Variants in HRH1 observed in about 807,000 individuals in gnomAD.
HRH1 encodes histamine receptor H1, also known as histamine H1 receptor.
In HRH1, 6 loss-of-function variants were observed where a neutral mutation model predicts 10.3. The ratio of observed to expected loss-of-function variants is 0.58; its 90% confidence interval spans 0.32 to 1.15. HRH1 has a LOEUF of 1.15. Among genes scored for constraint, HRH1 ranks in the 50% most tolerant of loss-of-function variants. The pLI is 0.05. For missense variants in HRH1, 514 were observed against 615.3 expected (o/e 0.84, Z 1.74); for synonymous variants, 242 against 236.7 (o/e 1.02, Z -0.21).
At chr3:11,257,559 C>CA (rs1235459388) in intron 1 of HRH1, among the ~76,000 whole-genome samples, 3,173 of 99,416 alleles carry the variant, frequency 0.032, 114 homozygotes, top group African/African-American at 0.1. Flanking sequence ...GACTCCATCT[C>CA]AAAAAAAAAA....
At chr3:11,223,769 C>A (rs1159997061) in intron 1 of HRH1, among the ~76,000 whole-genome samples, 2 of 152,204 alleles carry the variant, frequency 1.3e-5, no homozygotes, top group Non-Finnish European at 2.9e-5. Flanking sequence ...AATCCCTAAT[C>A]TTGAGCAACC....
chr3:11,234,407 C>T lies in HRH1; in HGVS notation c.-35-24596C>T, dbSNP rs546131087. The T allele has an allele frequency of 1.7e-4, 267 of 1,605,202 alleles. 1 individual carries two copies. The highest frequency in any genetic ancestry group is 7.6e-4 in the East Asian group (34 of 44,814). ...TTTCTGCAGGCATTCCTGCATGGCC[C>T]GGAACCGGTCTACACAGTCTGACCC... On this transcript the variant is annotated intron_variant, in intron 1 of 1. Transcript: ENST00000431010.
At chr3:11,205,354 T>C (rs767824552) in intron 1 of HRH1, among the ~76,000 whole-genome samples, 1 of 152,090 alleles carries the variant, frequency 6.6e-6, no homozygotes, top group Non-Finnish European at 1.5e-5. Context: ...GGCCTCTTGA[T>C]AGGGGCAGGA....
chr3:11,155,476 GC>G (rs1936766653), intron 1 of HRH1, among the ~76,000 whole-genome samples: 1 of 152,046 alleles, frequency 6.6e-6, no homozygotes, highest in Admixed American at 6.5e-5. Context: ...CCCACCCCCA[GC>G]CCCCAGTCCT....
Position 11,259,793 on chromosome 3 carries a change from G to A in HRH1, c.756G>A (p.Gly252=). 1 of 1,613,992 alleles carries A rather than the reference G, an allele frequency of 6.2e-7. No homozygotes were observed. The highest frequency in any genetic ancestry group is 8.5e-7 in the Non-Finnish European group (1 of 1,179,986). The change falls in exon 2 of 2, where the codon GGG becomes GGA. Residue 252 remains glycine (G), a synonymous_variant. Transcript: ENST00000431010. The surrounding 1 kb of genome is among the most constrained non-coding windows in gnomAD (Gnocchi z 4.6). The stretch of plus-strand genomic sequence containing the variant: ...CCAAGGGGGATGCCAAGAAACCAGG[G>A]AAGGAGTCTCCCTGGGAGGTTCTGA... The part of the protein sequence containing the change: ...ENPKGDAKKP[G]KESPWEVLKR...
intron 1 of HRH1, among the ~76,000 whole-genome samples, chr3:11,218,270 C>T (rs1001100682): frequency 4.6e-5 from 7 of 151,878 alleles, no homozygotes; most frequent in Non-Finnish European, 1.0e-4. Flanking sequence ...TATGGTGAAA[C>T]CCCGTCTCTG....
chr3:11,148,194 A>AAG (rs1194436117), intron 1 of HRH1, among the ~76,000 whole-genome samples: 2 of 151,628 alleles, frequency 1.3e-5, no homozygotes, highest in African/African-American at 4.8e-5. Flanking sequence ...AAAAAAAAAA[A>AAG]AAAAGAAAAG....
intron 1 of HRH1, among the ~76,000 whole-genome samples, chr3:11,243,529 A>T (rs1477310731): frequency 6.6e-6 from 1 of 152,246 alleles, no homozygotes; most frequent in African/African-American, 2.4e-5. Flanking sequence ...TTTCAAGGCA[A>T]AAGAATGTTC....
rs1044354795 is a variant in HRH1 at position 11,188,027 on chromosome 3, C to G, written c.-36+33473C>G. On this transcript the variant is annotated intron_variant, in intron 1 of 1. Transcript: ENST00000431010. ...AATAATTCTTTAAGGGGATGTTGTT[C>G]AAGCCAAGTCAGCAAAGAGATACAA... Among the ~76,000 whole-genome samples the G allele has an allele frequency of 2.0e-5, 3 of 152,210 alleles. No homozygotes were observed. In the East Asian group the frequency reaches 5.8e-4, roughly 29 times the overall value.
At chr3:11,178,811 G>A (rs181883611) in intron 1 of HRH1, among the ~76,000 whole-genome samples, 3 of 152,080 alleles carry the variant, frequency 2.0e-5, no homozygotes, top group Non-Finnish European at 2.9e-5. Flanking sequence ...CTGGGGTGGC[G>A]TCTGGGAAAC....
At chr3:11,192,728 T>A (rs1413870734) in intron 1 of HRH1, among the ~76,000 whole-genome samples, 2 of 152,146 alleles carry the variant, frequency 1.3e-5, no homozygotes, top group Non-Finnish European at 2.9e-5. Context: ...AATAAAATTT[T>A]ACAAAGACCA....
At chr3:11,160,789 T>C (rs1453148129) in intron 1 of HRH1, among the ~76,000 whole-genome samples, 1 of 152,344 alleles carries the variant, frequency 6.6e-6, no homozygotes. Flanking sequence ...AACTGTCTGT[T>C]CTGATCTGTT....
chr3:11,217,459 G>A (rs1187311804), intron 1 of HRH1, among the ~76,000 whole-genome samples: 1 of 152,206 alleles, frequency 6.6e-6, no homozygotes, highest in Non-Finnish European at 1.5e-5. Flanking sequence ...AACCCGGCAG[G>A]CGGAGGTTGC....
At chr3:11,168,365 T>C (rs1201771039) in intron 1 of HRH1, among the ~76,000 whole-genome samples, 1 of 152,110 alleles carries the variant, frequency 6.6e-6, no homozygotes, top group Non-Finnish European at 1.5e-5. Context: ...CCTGCAAGGA[T>C]ACAATGGGAT....
intron 1 of HRH1, among the ~76,000 whole-genome samples, chr3:11,192,272 A>C (rs577941063): frequency 6.6e-6 from 1 of 152,186 alleles, no homozygotes; most frequent in Admixed American, 6.5e-5. Context: ...AAGCCTCCTC[A>C]TGCCCCCTTC....
At chr3:11,181,009 G>A (rs914023364) in intron 1 of HRH1, among the ~76,000 whole-genome samples, 10 of 139,372 alleles carry the variant, frequency 7.2e-5, no homozygotes, top group African/African-American at 2.2e-4. Context: ...ACGGCCAGGC[G>A]CAGAGGTTCA....
At chr3:11,258,405 A>G (rs1235478972) in intron 1 of HRH1, among the ~76,000 whole-genome samples, 3 of 152,212 alleles carry the variant, frequency 2.0e-5, no homozygotes, top group Admixed American at 1.3e-4. Context: ...GATGGTCCCA[A>G]GATGACTCTC....
chr3:11,169,428 G>C (rs1937111447), intron 1 of HRH1, among the ~76,000 whole-genome samples: 1 of 152,138 alleles, frequency 6.6e-6, no homozygotes, highest in Non-Finnish European at 1.5e-5. Context: ...AGGTCTGGAG[G>C]AGTGAGGAAG....
At chr3:11,211,431 T>C (rs2125034331) in intron 1 of HRH1, among the ~76,000 whole-genome samples, 1 of 152,356 alleles carries the variant, frequency 6.6e-6, no homozygotes, top group South Asian at 2.1e-4. Flanking sequence ...AGGCAGTACC[T>C]ACTGTCAACA....
Sources: allele counts gnomAD v4.1 joint callset (sites outside exome capture counted in the v4.1 genomes callset), GRCh38; gene constraint gnomAD v4.1.1; non-coding constraint Gnocchi (gnomAD v3.1); transcripts MANE v1.5; gene names NCBI Gene and HGNC (gene_info 2026-07-23, HGNC 2026-07-21).